The following EIPR1 variants were observed in gnomAD, a reference collection of about 807,000 sequenced individuals.
EIPR1 encodes EARP complex and GARP complex interacting protein 1.
A neutral mutation model predicts 48.1 loss-of-function variants in EIPR1; 25 were observed. The observed-to-expected ratio is 0.52, with a 90% confidence interval of 0.38 to 0.73. The LOEUF is 0.73. Among genes scored for constraint, EIPR1 ranks in the 30% least tolerant of loss-of-function variants. The probability of loss-of-function intolerance (pLI) is 0.00; values close to 1 mark genes in which losing one functional copy is unlikely to be tolerated. For missense variants in EIPR1, 415 were observed against 506.2 expected (o/e 0.82, Z 1.73); for synonymous variants, 204 against 201.9 (o/e 1.01, Z -0.09).
At chr2:3,322,342 C>T (rs1472027663) in intron 3 of EIPR1, among the ~76,000 whole-genome samples, 1 of 152,194 alleles carries the variant, frequency 6.6e-6, no homozygotes, top group Non-Finnish European at 1.5e-5. Context: ...TCTCTCTGTC[C>T]TGAGTACTTA....
intron 3 of EIPR1, among the ~76,000 whole-genome samples, chr2:3,276,117 G>A (rs1005861609): frequency 6.6e-6 from 1 of 152,200 alleles, no homozygotes; most frequent in Admixed American, 6.5e-5. Flanking sequence ...CATAGGCATT[G>A]CTATGAAACA....
At chr2:3,343,027 C>A (rs1392732138) in intron 2 of EIPR1, among the ~76,000 whole-genome samples, 2 of 152,218 alleles carry the variant, frequency 1.3e-5, no homozygotes, top group Non-Finnish European at 2.9e-5. Context: ...CTTAAAACAG[C>A]CCTATAATAT....
chr2:3,308,757 C>A (rs1404268960), intron 3 of EIPR1, among the ~76,000 whole-genome samples: 1 of 152,184 alleles, frequency 6.6e-6, no homozygotes, highest in African/African-American at 2.4e-5. Context: ...AAATTGAAAG[C>A]AGCCTCTGCT....
chr2:3,192,656 G>T, intron 7 of EIPR1, 75 bp from the exon 8 acceptor site: 1 of 1,508,622 alleles, frequency 6.6e-7, no homozygotes. Flanking sequence ...CACCGGCTCT[G>T]AGGGCCCCAC....
intron 4 of EIPR1, among the ~76,000 whole-genome samples, chr2:3,250,302 GCTTTAA>G (rs1396267960): frequency 6.6e-6 from 1 of 152,258 alleles, no homozygotes; most frequent in Non-Finnish European, 1.5e-5. Context: ...CAGTGTTGGA[GCTTTAA>G]CATTTAATAC....
At chr2:3,361,586 C>T (rs1670851761) in intron 1 of EIPR1, among the ~76,000 whole-genome samples, 1 of 152,202 alleles carries the variant, frequency 6.6e-6, no homozygotes, top group Non-Finnish European at 1.5e-5. Flanking sequence ...GAGTGCTCTT[C>T]CAGCCCTTCC....
At chr2:3,294,317 G>A (rs993976740) in intron 3 of EIPR1, among the ~76,000 whole-genome samples, 7 of 118,350 alleles carry the variant, frequency 5.9e-5, no homozygotes, top group South Asian at 2.9e-4. Flanking sequence ...GATCCTCTCT[G>A]CACACACCCT....
At chr2:3,311,058 C>G (rs1291046056) in intron 3 of EIPR1, among the ~76,000 whole-genome samples, 1 of 152,198 alleles carries the variant, frequency 6.6e-6, no homozygotes, top group African/African-American at 2.4e-5. Flanking sequence ...AAGATGCCCA[C>G]TCTCAGACGA....
Position 3,196,861 on chromosome 2 carries a change from C to T in EIPR1, c.653+20G>A, listed in dbSNP as rs200725487. On this transcript the variant is annotated intron_variant, in intron 6 of 8. Transcript: ENST00000382125. Reference sequence around the variant, plus strand: ...GAGGGAGGAAAGGAAGTGGGGCCTGCGCCGGGTGGGCTCACTGACCTCATG... The same window carrying T: ...GAGGGAGGAAAGGAAGTGGGGCCTGTGCCGGGTGGGCTCACTGACCTCATG... 139 of 1,611,222 alleles carry T rather than the reference C, an allele frequency of 8.6e-5. No homozygotes were observed. The highest frequency in any genetic ancestry group is 1.1e-4 in the Non-Finnish European group (128 of 1,178,896).
At chr2:3,208,818 G>A in intron 5 of EIPR1, 1 of 1,550,174 alleles carries the variant, frequency 6.5e-7, no homozygotes, top group South Asian at 1.2e-5. Flanking sequence ...TGTGAGTGAG[G>A]CCCGTGGCAG....
chr2:3,295,459 C>T (rs1572407732), intron 3 of EIPR1, among the ~76,000 whole-genome samples: 3 of 126,036 alleles, frequency 2.4e-5, no homozygotes, highest in African/African-American at 6.1e-5. Flanking sequence ...TCCAGCCCAT[C>T]CTCTCTCTAC....
chr2:3,265,206 G>A (rs1412162081), intron 3 of EIPR1, among the ~76,000 whole-genome samples: 2 of 90,056 alleles, frequency 2.2e-5, no homozygotes, highest in Non-Finnish European at 4.5e-5. Context: ...TGTGCAGGCA[G>A]GAGGTGTCTC....
intron 3 of EIPR1, among the ~76,000 whole-genome samples, chr2:3,323,836 C>T (rs1447407637): frequency 6.6e-6 from 1 of 152,202 alleles, no homozygotes; most frequent in Non-Finnish European, 1.5e-5. Context: ...ATGAACCCAT[C>T]TGCATAAGGA....
chr2:3,197,790 G>T (rs1664861965), intron 5 of EIPR1, among the ~76,000 whole-genome samples: 1 of 152,242 alleles, frequency 6.6e-6, no homozygotes, highest in East Asian at 1.9e-4. Flanking sequence ...CTGCCCCCAA[G>T]TCCTCCTGAG....
At chr2:3,255,069 A>G (rs1479885846) in intron 4 of EIPR1, among the ~76,000 whole-genome samples, 1 of 152,270 alleles carries the variant, frequency 6.6e-6, no homozygotes, top group Non-Finnish European at 1.5e-5. Flanking sequence ...ATTGGATAAC[A>G]AAATGGAATT....
In EIPR1 at chr2:3,332,676, T is replaced by A. The variant is rs966202049; in HGVS notation, c.259+5341A>T. On this transcript the variant is annotated intron_variant, in intron 3 of 8. Coordinates refer to ENST00000382125, the MANE Select transcript of EIPR1 (RefSeq NM_003310.5). ...GGCACAGTCCCTCATTTTGCTTTCA[T>A]GGAGATGCATTTTTCTTATCAAATT... Among the ~76,000 whole-genome samples the A allele has an allele frequency of 4.6e-5, 7 of 152,342 alleles. No homozygotes were observed. The East Asian group carries it at 1.3e-3, about 29-fold the overall frequency.
At chr2:3,264,187 C>T (rs1558260101) in intron 3 of EIPR1, among the ~76,000 whole-genome samples, 2 of 152,290 alleles carry the variant, frequency 1.3e-5, no homozygotes, top group East Asian at 1.9e-4. Context: ...ACCTGCTCTG[C>T]TTCTGTGACT....
chr2:3,293,080 C>A (rs1308059746), intron 3 of EIPR1, among the ~76,000 whole-genome samples: 4 of 152,232 alleles, frequency 2.6e-5, no homozygotes, highest in African/African-American at 9.6e-5. Flanking sequence ...TGCCAGCCTA[C>A]GAGTCTTCCT....
rs539092405 is a variant in EIPR1 at position 3,324,376 on chromosome 2, C to T, written c.259+13641G>A. On this transcript the variant is annotated intron_variant, in intron 3 of 8. Transcript: ENST00000382125. ...CCCGGCACCCACCTGGCTTTCCCAG[C>T]TCCTCCCGGGCAGTGGCCCAGTGCT... 8.8e-4 allele frequency among the ~76,000 whole-genome samples: 134 copies of T among 152,354 alleles called. 1 individual carries two copies. Among genetic ancestry groups the T allele is most frequent in the African/African-American group, 3.2e-3 (134 of 41,578 alleles).
Sources: gnomAD v4.1 joint callset for allele counts (sites outside exome capture counted in the v4.1 genomes callset) on GRCh38, gnomAD v4.1.1 for gene constraint, MANE v1.5 for transcripts, NCBI Gene and HGNC (gene_info 2026-07-23, HGNC 2026-07-21) for gene names.